The following CDK19 variants were observed in gnomAD, a reference collection of about 807,000 sequenced individuals.
The protein encoded by CDK19 is cyclin-dependent kinase 19.
A neutral mutation model predicts 68.3 loss-of-function variants in CDK19; 20 were observed. The observed-to-expected ratio is 0.29, with a 90% CI of 0.21 to 0.43. The LOEUF is 0.43. CDK19 is among the 20% of genes least tolerant of loss of function. The probability of loss-of-function intolerance (pLI) is 1.00; values close to 1 mark genes in which losing one functional copy is unlikely to be tolerated. For synonymous variants in CDK19, 221 were observed against 222.8 expected (o/e 0.99, Z 0.07); for missense variants, 339 against 623.5 (o/e 0.54, Z 4.86).
At chr6:110,669,543 G>C (rs1288841390) in intron 3 of CDK19, among the ~76,000 whole-genome samples, 1 of 152,218 alleles carries the variant, frequency 6.6e-6, no homozygotes, top group Admixed American at 6.5e-5. Flanking sequence ...CAGTTTGAGA[G>C]GCCAAAGTAG....
rs1404904956 is a variant in CDK19 at position 110,704,733 on chromosome 6, C to A, written c.205-34192G>T. ...CCCAGAAGTCAAAAGTTGTTCAGGG[C>A]ATGTGTTCTACAACTATATAGATTC... On this transcript the variant is annotated intron_variant, in intron 2 of 12. Coordinates refer to ENST00000368911, the MANE Select transcript of CDK19 (RefSeq NM_015076.5). 3.9e-5 allele frequency among the ~76,000 whole-genome samples: 6 copies of A among 152,120 alleles called. No homozygotes were observed. In the East Asian group the frequency reaches 1.2e-3, roughly 29 times the overall value.
At chr6:110,653,405 C>T (rs1781101211) in intron 4 of CDK19, among the ~76,000 whole-genome samples, 1 of 152,104 alleles carries the variant, frequency 6.6e-6, no homozygotes, top group Non-Finnish European at 1.5e-5. Flanking sequence ...CACCTTCACC[C>T]ACATAAAAAA....
chr6:110,748,135 C>A (rs1321866775), intron 1 of CDK19, among the ~76,000 whole-genome samples: 1 of 152,148 alleles, frequency 6.6e-6, no homozygotes, highest in East Asian at 1.9e-4. Flanking sequence ...TTCCCCTAGA[C>A]AAAGTAGTCC....
At chr6:110,688,417 A>G (rs1321555288) in intron 2 of CDK19, among the ~76,000 whole-genome samples, 1 of 152,070 alleles carries the variant, frequency 6.6e-6, no homozygotes, top group Non-Finnish European at 1.5e-5. Flanking sequence ...TGCCTCTCCC[A>G]CTAGGAAAGA....
intron 12 of CDK19, among the ~76,000 whole-genome samples, chr6:110,614,964 A>G (rs1375184830): frequency 6.6e-6 from 1 of 152,192 alleles, no homozygotes; most frequent in African/African-American, 2.4e-5. Flanking sequence ...CTTTATTCCA[A>G]TTCTGGGGTG....
At chr6:110,702,272 C>T (rs1349082344) in intron 2 of CDK19, among the ~76,000 whole-genome samples, 3 of 151,998 alleles carry the variant, frequency 2.0e-5, no homozygotes, top group African/African-American at 7.3e-5. Context: ...ATAGTGAGAC[C>T]TCATCTCTAC....
At chr6:110,699,885 C>G (rs1184753491) in intron 2 of CDK19, among the ~76,000 whole-genome samples, 1 of 152,188 alleles carries the variant, frequency 6.6e-6, no homozygotes, top group Non-Finnish European at 1.5e-5. Context: ...TGCTGACTTA[C>G]AGCAGGGGTC....
rs369999078 is a variant in CDK19 at position 110,724,803 on chromosome 6, G to A, written c.204+21323C>T. On this transcript the variant is annotated intron_variant, in intron 2 of 12. Coordinates refer to ENST00000368911, the MANE Select transcript of CDK19 (RefSeq NM_015076.5). ...CTTTTTTTTTTATTGTTTCTGTGCC[G>A]GAATTAAGTATGTCTAAAACTACAG... Among the ~76,000 whole-genome samples, 89 of 151,658 alleles carry A rather than the reference G, an allele frequency of 5.9e-4. No homozygotes were observed. In the East Asian group the frequency reaches 7.2e-3, roughly 12 times the overall value.
rs537672284 is a variant in CDK19, at chr6:110,689,948, C to T, written c.205-19407G>A. ...AACATCCCGTGGGACAAAATCATTG[C>T]GACAGCAGGCTTTGAGTCCCAGATC... is the stretch of plus-strand genomic sequence containing the variant. On this transcript the variant is annotated intron_variant, in intron 2 of 12. Transcript: ENST00000368911. Among the ~76,000 whole-genome samples, 69 of 152,122 alleles carry T rather than the reference C, an allele frequency of 4.5e-4. 1 individual carries two copies. In the South Asian group the frequency reaches 0.014, roughly 31 times the overall value.
intron 2 of CDK19, among the ~76,000 whole-genome samples, chr6:110,744,475 T>C (rs1034851858): frequency 1.3e-5 from 2 of 152,000 alleles, no homozygotes; most frequent in African/African-American, 2.4e-5. Flanking sequence ...AAGGTTACAG[T>C]GAGATATGAT....
intron 2 of CDK19, among the ~76,000 whole-genome samples, chr6:110,677,228 G>C (rs1771604111): frequency 6.6e-6 from 1 of 152,120 alleles, no homozygotes; most frequent in Non-Finnish European, 1.5e-5. Context: ...AGCAAGAGAT[G>C]AGGCAAAGAC....
intron 2 of CDK19, among the ~76,000 whole-genome samples, chr6:110,691,290 T>C (rs543147530): frequency 1.1e-4 from 16 of 151,798 alleles, no homozygotes; most frequent in African/African-American, 2.7e-4. Flanking sequence ...CTGGCCAACA[T>C]AGTGAAAACC....
chr6:110,758,060 T>C (rs780620233), intron 1 of CDK19, among the ~76,000 whole-genome samples: 1 of 151,980 alleles, frequency 6.6e-6, no homozygotes, highest in Non-Finnish European at 1.5e-5. Context: ...TGCATGGTGG[T>C]GCTCACCTGT....
At position 110,670,560 on chromosome 6, in the gene CDK19, G is replaced by C; in HGVS notation, c.205-19C>G. 4 of 1,394,748 alleles carry C rather than the reference G, an allele frequency of 2.9e-6. No homozygotes were observed. The highest frequency in any genetic ancestry group is 2.3e-5 in the South Asian group (2 of 86,400). The allele number at this position is 1,394,748 out of a possible 1,614,324, so 86.4% of individuals were successfully genotyped here. A position where few individuals can be genotyped will look rare whatever the true frequency, so the allele number is the denominator to read the frequency against. ...GCAAAAGCTGAATGCAAAAGAAAGAGAGGGGTCACTGTTGTGTTAGCAAGG... is the reference window on the plus strand; with the variant it reads ...GCAAAAGCTGAATGCAAAAGAAAGACAGGGGTCACTGTTGTGTTAGCAAGG... On this transcript the variant is annotated intron_variant, in intron 2 of 12. Coordinates refer to ENST00000368911, the MANE Select transcript of CDK19 (RefSeq NM_015076.5).
chr6:110,623,733 G>A (rs1778863913), intron 8 of CDK19, among the ~76,000 whole-genome samples: 2 of 134,422 alleles, frequency 1.5e-5, no homozygotes, highest in Admixed American at 7.9e-5. Flanking sequence ...TTTTAGTAAT[G>A]GCCAATATAT....
intron 1 of CDK19, among the ~76,000 whole-genome samples, chr6:110,773,537 C>A (rs529240217): frequency 6.6e-6 from 1 of 152,000 alleles, no homozygotes; most frequent in East Asian, 1.9e-4. Context: ...CAAGTTCCCA[C>A]GAAGAAATCA....
At chr6:110,719,972 G>GCTCCCCCCCCCCCCCCCCCCCCCCCCCCC (rs1554211507) in intron 2 of CDK19, among the ~76,000 whole-genome samples, 2 of 45,520 alleles carry the variant, frequency 4.4e-5, no homozygotes, top group Non-Finnish European at 4.2e-5. Context: ...CTTGTGATCC[G>GCTCCCCCCCCCCCCCCCCCCCCCCCCCCC]CCCCCCCCCC....
intron 7 of CDK19, 72 bp from the exon 8 acceptor site, chr6:110,626,917 T>C: frequency 7.2e-7 from 1 of 1,396,750 alleles, no homozygotes. Flanking sequence ...TGTTAGTTTA[T>C]AAATATACAT....
Position 110,617,544 on chromosome 6 carries a change from G to C in CDK19, c.1378-2878C>G, listed in dbSNP as rs574008933. On this transcript the variant is annotated intron_variant, in intron 12 of 12. Coordinates refer to ENST00000368911, the MANE Select transcript of CDK19 (RefSeq NM_015076.5). ...CACGCCTGTAGTCCCAACACTTTAG[G>C]AGGCCAAGGAAGGTGGATGACTTGA... Among the ~76,000 whole-genome samples the C allele has an allele frequency of 5.9e-5, 9 of 151,974 alleles. 1 individual carries two copies. The East Asian group carries it at 1.7e-3, about 29-fold the overall frequency.
Sources: allele counts gnomAD v4.1 joint callset (sites outside exome capture counted in the v4.1 genomes callset), GRCh38; gene constraint gnomAD v4.1.1; transcripts MANE v1.5; gene names NCBI Gene and HGNC (gene_info 2026-07-23, HGNC 2026-07-21).